Variants in AOAH observed in about 807,000 individuals in gnomAD.
The protein encoded by AOAH is acyloxyacyl hydrolase, also known as acyloxyacyl hydrolase (neutrophil).
AOAH carries 64 observed loss-of-function variants against 92.2 expected under a neutral mutation model. The ratio of observed to expected loss-of-function variants is 0.69; its 90% CI spans 0.57 to 0.86. The LOEUF (loss-of-function observed/expected upper bound fraction) is 0.86, where lower values mean the gene tolerates loss of function less well. AOAH is among the 40% of genes least tolerant of loss of function. The probability of loss-of-function intolerance (pLI) is 0.00; values close to 1 mark genes in which losing one functional copy is unlikely to be tolerated. For synonymous variants in AOAH, 263 were observed against 254.5 expected (o/e 1.03, Z -0.32); for missense variants, 656 against 694.6 (o/e 0.94, Z 0.62).
At chr7:36,611,680 G>A (rs187857648) in intron 11 of AOAH, among the ~76,000 whole-genome samples, 1 of 152,222 alleles carries the variant, frequency 6.6e-6, no homozygotes, top group Admixed American at 6.5e-5. Flanking sequence ...AGCCTCTGAG[G>A]CCAGAAGCAG....
chr7:36,595,096 A>G (rs190703929), intron 11 of AOAH, among the ~76,000 whole-genome samples: 9 of 152,346 alleles, frequency 5.9e-5, no homozygotes, highest in Non-Finnish European at 1.3e-4. Flanking sequence ...AAAATCAGCA[A>G]AGAAAAATGT....
chr7:36,603,451 C>A (rs1484335353), intron 11 of AOAH, among the ~76,000 whole-genome samples: 1 of 152,186 alleles, frequency 6.6e-6, no homozygotes, highest in Admixed American at 6.5e-5. Context: ...CCTGCCCCGG[C>A]CTTTCTCTCT....
At chr7:36,572,880 A>T (rs1788230311) in intron 13 of AOAH, among the ~76,000 whole-genome samples, 1 of 152,228 alleles carries the variant, frequency 6.6e-6, no homozygotes, top group African/African-American at 2.4e-5. Flanking sequence ...GCCTTATCCC[A>T]CTGAGTTTGG....
At chr7:36,532,812 C>A (rs1480183613) in intron 16 of AOAH, among the ~76,000 whole-genome samples, 1 of 152,142 alleles carries the variant, frequency 6.6e-6, no homozygotes, top group Non-Finnish European at 1.5e-5. Flanking sequence ...TCAGGTCTGA[C>A]CGAATTATCC....
At chr7:36,690,412 C>G (rs974539739) in intron 1 of AOAH, among the ~76,000 whole-genome samples, 1 of 152,124 alleles carries the variant, frequency 6.6e-6, no homozygotes, top group African/African-American at 2.4e-5. Context: ...CTCCAGTGGG[C>G]TCACCTCCCC....
intron 16 of AOAH, among the ~76,000 whole-genome samples, chr7:36,538,715 C>T (rs1453385876): frequency 1.3e-5 from 2 of 152,178 alleles, no homozygotes; most frequent in Non-Finnish European, 2.9e-5. Context: ...AGGTTGGTGT[C>T]CTTTCTGCAT....
chr7:36,570,892 G>A (rs1048817920), intron 13 of AOAH, among the ~76,000 whole-genome samples: 4 of 152,194 alleles, frequency 2.6e-5, no homozygotes, highest in African/African-American at 9.7e-5. Context: ...TGTTTTAGAT[G>A]TACAAGTCCC....
At chr7:36,587,977 C>G (rs574250979) in intron 12 of AOAH, among the ~76,000 whole-genome samples, 1 of 152,104 alleles carries the variant, frequency 6.6e-6, no homozygotes, top group East Asian at 1.9e-4. Context: ...GCTCTCATCT[C>G]GCCTACACAA....
intron 9 of AOAH, 36 bp from the exon 10 acceptor site, chr7:36,618,381 T>A: frequency 1.2e-6 from 2 of 1,603,474 alleles, no homozygotes; most frequent in Non-Finnish European, 1.7e-6. Context: ...GCAGTTTGGT[T>A]TTAAATTTAT....
rs1001904780 is a variant in AOAH, at chr7:36,618,576, G to A, written c.703-231C>T. On this transcript the variant is annotated intron_variant, in intron 9 of 20. Transcript: ENST00000617537. ...CCAGACACTGAACCATTTCATTCAG[G>A]GAGATGCTGGGTAGGGTTCTGGGAG... Among the ~76,000 whole-genome samples, 4 of 152,332 alleles carry A rather than the reference G, an allele frequency of 2.6e-5. No homozygotes were observed. The East Asian group carries it at 5.8e-4, about 22-fold the overall frequency.
chr7:36,610,974 G>A (rs943254981), intron 11 of AOAH, among the ~76,000 whole-genome samples: 2 of 152,198 alleles, frequency 1.3e-5, no homozygotes, highest in Admixed American at 6.5e-5. Context: ...CCGGACGCAC[G>A]GGTGAGAAGA....
chr7:36,657,152 C>T (rs1052413107), intron 4 of AOAH, among the ~76,000 whole-genome samples: 8 of 152,198 alleles, frequency 5.3e-5, no homozygotes, highest in African/African-American at 1.9e-4. Flanking sequence ...CACATTTCGA[C>T]ATCAGTTGTT....
At chr7:36,708,586 G>A (rs145062555) in intron 1 of AOAH, among the ~76,000 whole-genome samples, 88 of 152,030 alleles carry the variant, frequency 5.8e-4, no homozygotes, top group African/African-American at 2.0e-3. Context: ...TATGGATCTC[G>A]ATTTTCTGTT....
chr7:36,562,683 G>A lies in AOAH; in HGVS notation c.1022-13208C>T, dbSNP rs1023508578. On this transcript the variant is annotated intron_variant, in intron 13 of 20. Transcript: ENST00000617537. ...AATGCATATTCAGAAACACCTTTAC[G>A]GAGTTGGTTTCCAAAGATCCTCCCT... Among the ~76,000 whole-genome samples, 4 of 152,070 alleles carry A rather than the reference G, an allele frequency of 2.6e-5. No individual in the cohort carries two copies. In the East Asian group the frequency reaches 5.8e-4, roughly 22 times the overall value.
chr7:36,527,805 G>A (rs1416515156), intron 19 of AOAH, among the ~76,000 whole-genome samples: 1 of 152,156 alleles, frequency 6.6e-6, no homozygotes, highest in African/African-American at 2.4e-5. Flanking sequence ...ACCACACATC[G>A]TACCCACATG....
chr7:36,706,694 A>G (rs1798436675), intron 1 of AOAH, among the ~76,000 whole-genome samples: 1 of 152,212 alleles, frequency 6.6e-6, no homozygotes, highest in South Asian at 2.1e-4. Context: ...ACCTTCATCA[A>G]TGATCTTAGC....
At chr7:36,622,130 ATG>A (rs1215228711) in intron 7 of AOAH, among the ~76,000 whole-genome samples, 3 of 152,000 alleles carry the variant, frequency 2.0e-5, no homozygotes, top group African/African-American at 7.3e-5. Flanking sequence ...GTGTATATGC[ATG>A]TGTGTGTTTA....
At chr7:36,702,022 T>C (rs1798063271) in intron 1 of AOAH, among the ~76,000 whole-genome samples, 1 of 152,142 alleles carries the variant, frequency 6.6e-6, no homozygotes, top group Non-Finnish European at 1.5e-5. Flanking sequence ...CTGATTTAAT[T>C]GTGGTAAGAC....
chr7:36,532,291 G>A lies in AOAH; in HGVS notation c.1360C>T (p.Leu454Phe). 6.2e-7 allele frequency: 1 copy of A among 1,614,162 alleles called. No individual in the cohort carries two copies. Among genetic ancestry groups the A allele is most frequent in the Non-Finnish European group, 8.5e-7 (1 of 1,180,014 alleles). ...YAQLYSFLNC[L>F]QVSPCHGWMS... ...GCAAGCCAGTGAGTGCTCACCTGGA[G>A]GCAGTTCAGGAAGGAGTACAACTGC... The change falls in exon 17 of 21, where the codon CTC becomes TTC. Residue 454 changes from leucine to phenylalanine, a missense_variant. Leu to Phe is a conservative substitution (Grantham distance 22). Coordinates refer to ENST00000617537, the MANE Select transcript of AOAH (RefSeq NM_001637.4).
Sources: allele counts gnomAD v4.1 joint callset (sites outside exome capture counted in the v4.1 genomes callset), GRCh38; gene constraint gnomAD v4.1.1; transcripts MANE v1.5; gene names NCBI Gene and HGNC (gene_info 2026-07-23, HGNC 2026-07-21).